The following UHRF2 variants were observed in gnomAD, a reference collection of about 807,000 sequenced individuals.
The protein encoded by UHRF2 is ubiquitin like with PHD and ring finger domains 2, also known as E3 ubiquitin-protein ligase UHRF2.
In UHRF2, 23 loss-of-function variants were observed where a neutral mutation model predicts 96.8. The observed-to-expected ratio is 0.24, with a 90% CI of 0.17 to 0.34. The LOEUF (loss-of-function observed/expected upper bound fraction) is 0.34, where lower values mean the gene tolerates loss of function less well. Among genes scored for constraint, UHRF2 ranks in the 10% least tolerant of loss-of-function variants. UHRF2 has a pLI of 1.00. For missense variants in UHRF2, 685 were observed against 981.5 expected (o/e 0.70, Z 4.04); for synonymous variants, 385 against 332.6 (o/e 1.16, Z -1.72).
In UHRF2 at chr9:6,506,194, C is replaced by T. The variant is rs762872526; in HGVS notation, c.*15C>T. 2 of 1,613,164 alleles carry T rather than the reference C, an allele frequency of 1.2e-6. No individual in the cohort carries two copies. The highest frequency in any genetic ancestry group is 1.6e-4 in the Middle Eastern group (1 of 6,074). On this transcript the variant is annotated 3_prime_UTR_variant, in exon 16 of 16. Transcript: ENST00000276893. ...AAGGACGATGATCTGCCTGCTTTCA[C>T]TGTGTTGTTCATGGTGGCTTTTTGG... is the stretch of plus-strand genomic sequence containing the variant.
At position 6,475,373 on chromosome 9, in the gene UHRF2, T is replaced by C. The variant is rs1436992940; in HGVS notation, c.864-18T>C. On this transcript the variant is annotated intron_variant, in intron 4 of 15. Transcript: ENST00000276893. The stretch of plus-strand genomic sequence containing the variant: ...GATTTTGCTGGCAGAAGTTAACCTT[T>C]CTTCCTTTTTTAAACAGGGGTTCTG... 4.1e-6 allele frequency: 6 copies of C among 1,474,362 alleles called. No homozygotes were observed. Among genetic ancestry groups the C allele is most frequent in the Non-Finnish European group, 5.4e-6 (6 of 1,103,408 alleles). 91.3% of individuals were successfully genotyped at this position (1,474,362 alleles called of 1,614,324 possible). A position where few individuals can be genotyped will look rare whatever the true frequency, so the allele number is the denominator to read the frequency against.
At chr9:6,416,609 C>G (rs1446273506) in intron 1 of UHRF2, among the ~76,000 whole-genome samples, 1 of 127,284 alleles carries the variant, frequency 7.9e-6, no homozygotes, top group Non-Finnish European at 1.6e-5. Context: ...GTGGCGCGAT[C>G]TCCGCTCACT....
chr9:6,425,786 A>T (rs376701793), intron 2 of UHRF2, among the ~76,000 whole-genome samples: 9 of 141,650 alleles, frequency 6.4e-5, no homozygotes, highest in African/African-American at 1.1e-4. Flanking sequence ...AAAAAAAAAA[A>T]TCAAGATCTC....
intron 4 of UHRF2, among the ~76,000 whole-genome samples, chr9:6,467,049 CAT>C (rs1041262313): frequency 8.5e-5 from 13 of 152,184 alleles, no homozygotes; most frequent in African/African-American, 3.1e-4. Flanking sequence ...TTACCACAAA[CAT>C]AGTAGCTTAA....
At chr9:6,495,883 G>T (rs951388311) in intron 10 of UHRF2, 2 of 152,022 alleles carry the variant, frequency 1.3e-5, no homozygotes, top group African/African-American at 2.4e-5. Context: ...AGCTCTTTAA[G>T]ATAAAATAGG....
chr9:6,493,361 A>G (rs1824782366), intron 9 of UHRF2, among the ~76,000 whole-genome samples: 2 of 152,178 alleles, frequency 1.3e-5, no homozygotes, highest in Non-Finnish European at 2.9e-5. Flanking sequence ...TTTATTGTCA[A>G]TGCCAGAATT....
rs973905590 is a variant in UHRF2 at position 6,460,590 on chromosome 9, C to T, written c.662C>T (p.Thr221Ile). The T allele has an allele frequency of 2.5e-6, 4 of 1,607,256 alleles. No individual in the cohort carries two copies. The highest frequency in any genetic ancestry group is 1.1e-5 in the South Asian group (1 of 90,712). ...CTCCTCAGATACCCAGAAAGCGGTACTCTAGAAATGAATGTCAAGGATCTT... is the reference window on the plus strand; with the variant it reads ...CTCCTCAGATACCCAGAAAGCGGTATTCTAGAAATGAATGTCAAGGATCTT... ...IQYDEYPESG[T>I]LEMNVKDLRP... Residue 221 changes from threonine to isoleucine, a missense_variant, in exon 4 of 16, where the codon ACT becomes ATT. Coordinates refer to ENST00000276893, the MANE Select transcript of UHRF2 (RefSeq NM_152896.3).
intron 8 of UHRF2, among the ~76,000 whole-genome samples, chr9:6,483,600 TGTAA>T (rs1824063267): frequency 6.6e-6 from 1 of 152,216 alleles, no homozygotes; most frequent in East Asian, 1.9e-4. Flanking sequence ...GTGGGCCAAC[TGTAA>T]TACATAAAAA....
intron 15 of UHRF2, among the ~76,000 whole-genome samples, chr9:6,505,789 T>TCCTCATCTACTA (rs1222722870): frequency 6.6e-6 from 1 of 152,180 alleles, no homozygotes; most frequent in African/African-American, 2.4e-5. Flanking sequence ...ACCATTTTAG[T>TCCTCATCTACTA]AGATGAGGAA....
chr9:6,428,351 C>G (rs1820372545), intron 2 of UHRF2, among the ~76,000 whole-genome samples: 1 of 151,904 alleles, frequency 6.6e-6, no homozygotes, highest in Admixed American at 6.6e-5. Flanking sequence ...ATTATAACTC[C>G]CTCTTCCCTA....
At chr9:6,416,838 A>G (rs1428451437) in intron 1 of UHRF2, among the ~76,000 whole-genome samples, 1 of 152,114 alleles carries the variant, frequency 6.6e-6, no homozygotes, top group Non-Finnish European at 1.5e-5. Flanking sequence ...AAATCTTTTG[A>G]GAATCCAGAG....
At chr9:6,443,349 A>T (rs1047913196) in intron 3 of UHRF2, among the ~76,000 whole-genome samples, 1 of 152,170 alleles carries the variant, frequency 6.6e-6, no homozygotes, top group African/African-American at 2.4e-5. Context: ...TGAAGTGTAG[A>T]TGTTTTCTTA....
chr9:6,483,882 T>C (rs1824083465), intron 8 of UHRF2, among the ~76,000 whole-genome samples: 1 of 151,964 alleles, frequency 6.6e-6, no homozygotes, highest in Admixed American at 6.6e-5. Context: ...AGAGACAGGG[T>C]TTCTCCATGT....
intron 1 of UHRF2, among the ~76,000 whole-genome samples, chr9:6,414,859 AT>A (rs1819501010): frequency 6.6e-6 from 1 of 151,812 alleles, no homozygotes; most frequent in African/African-American, 2.4e-5. Flanking sequence ...AGCACCTTTG[AT>A]TTGTGTTTGC....
At chr9:6,450,595 C>T (rs1821800213) in intron 3 of UHRF2, among the ~76,000 whole-genome samples, 1 of 152,104 alleles carries the variant, frequency 6.6e-6, no homozygotes, top group Non-Finnish European at 1.5e-5. Flanking sequence ...AAATTTGTTA[C>T]CAGCTTGTAT....
At chr9:6,449,498 T>C (rs192411873) in intron 3 of UHRF2, 1 of 152,360 alleles carries the variant, frequency 6.6e-6, no homozygotes, top group East Asian at 1.9e-4. Flanking sequence ...CTTCATCTTG[T>C]CGTCTGTTTC....
At chr9:6,415,732 T>C (rs1819560098) in intron 1 of UHRF2, among the ~76,000 whole-genome samples, 1 of 152,222 alleles carries the variant, frequency 6.6e-6, no homozygotes. Flanking sequence ...TAATCTTTGG[T>C]ATGTATCAGA....
intron 10 of UHRF2, chr9:6,495,492 C>G (rs1369196276): frequency 6.6e-6 from 1 of 152,174 alleles, no homozygotes; most frequent in Non-Finnish European, 1.5e-5. Flanking sequence ...ATACTCTTTG[C>G]CCAGTAGTGT....
chr9:6,479,983 A>G (rs1342443256), intron 6 of UHRF2, among the ~76,000 whole-genome samples: 1 of 152,172 alleles, frequency 6.6e-6, no homozygotes, highest in Non-Finnish European at 1.5e-5. Context: ...GAATTAGATC[A>G]TTCATCTGTT....
Sources: gnomAD v4.1 joint callset for allele counts (sites outside exome capture counted in the v4.1 genomes callset) on GRCh38, gnomAD v4.1.1 for gene constraint, MANE v1.5 for transcripts, NCBI Gene and HGNC (gene_info 2026-07-23, HGNC 2026-07-21) for gene names.